Variants in ZFYVE1 observed in about 807,000 individuals in gnomAD.
ZFYVE1 encodes zinc finger FYVE-type containing 1, also known as zinc finger FYVE domain-containing protein 1.
ZFYVE1 carries 30 observed loss-of-function variants against 74.4 expected under a neutral mutation model. The observed-to-expected ratio is 0.40, with a 90% CI of 0.30 to 0.55. The LOEUF (loss-of-function observed/expected upper bound fraction) is 0.55, where lower values mean the gene tolerates loss of function less well. Ranked by LOEUF, ZFYVE1 falls within the 20% of genes least tolerant of loss-of-function variation. The pLI, the probability that ZFYVE1 is intolerant of heterozygous loss-of-function variation, is 0.42. For missense variants in ZFYVE1, 703 were observed against 1,011.6 expected, an observed-to-expected ratio of 0.69 and a Z score of 4.14; for synonymous variants, 335 against 385.1, an observed-to-expected ratio of 0.87 and a Z score of 1.52.
chr14:73,019,063 T>C (rs1004455748), intron 2 of ZFYVE1, among the ~76,000 whole-genome samples: 11 of 152,198 alleles, frequency 7.2e-5, no homozygotes, highest in African/African-American at 2.4e-4. Context: ...TTTCTACTTC[T>C]GAGACCAACA....
chr14:72,974,676 A>G lies in ZFYVE1; in HGVS notation c.1987+103T>C. 2 of 1,415,842 alleles carry G rather than the reference A, an allele frequency of 1.4e-6. 1 individual carries two copies. Among genetic ancestry groups the G allele is most frequent in the South Asian group, 2.8e-5 (2 of 71,052 alleles). 87.7% of individuals were successfully genotyped at this position (1,415,842 alleles called of 1,614,324 possible). On this transcript the variant is annotated intron_variant, in intron 10 of 11. Transcript: ENST00000556143. ...GGCCAAGACCAGAAGTACTCTCACA[A>G]GGGAGATGTGGATTAGGGCATCTGG...
chr14:73,026,823 C>A (rs1234599734), intron 1 of ZFYVE1, 103 bp downstream of exon 1: 1 of 334,266 alleles, frequency 3.0e-6, no homozygotes, highest in African/African-American at 2.2e-5. Context: ...CACCCGCCCC[C>A]CCTTCCTCCC....
At chr14:73,000,849 TA>T (rs1165842783) in intron 2 of ZFYVE1, among the ~76,000 whole-genome samples, 1 of 152,196 alleles carries the variant, frequency 6.6e-6, no homozygotes, top group Non-Finnish European at 1.5e-5. Flanking sequence ...CATCCACTGA[TA>T]AAATGTGGTA....
intron 3 of ZFYVE1, among the ~76,000 whole-genome samples, chr14:72,994,466 G>A (rs1893699081): frequency 6.6e-6 from 1 of 152,058 alleles, no homozygotes; most frequent in Admixed American, 6.6e-5. Context: ...TCTATGAGGA[G>A]GGCTGGTGTC....
intron 2 of ZFYVE1, among the ~76,000 whole-genome samples, chr14:73,016,419 G>A (rs1268097402): frequency 6.6e-6 from 1 of 152,056 alleles, no homozygotes; most frequent in Non-Finnish European, 1.5e-5. Flanking sequence ...GCTGAGGCAA[G>A]AGAATGGCGT....
At position 72,974,787 on chromosome 14, in the gene ZFYVE1, A is replaced by T; in HGVS notation, c.1979T>A (p.Val660Asp). 1.9e-6 allele frequency: 3 copies of T among 1,597,976 alleles called. No homozygotes were observed. Among genetic ancestry groups the T allele is most frequent in the Non-Finnish European group, 2.6e-6 (3 of 1,167,668 alleles). Residue 660 changes from valine (V) to aspartate (D), a missense_variant, in exon 10 of 12, where the codon GTC becomes GAC. Coordinates refer to ENST00000556143, the MANE Select transcript of ZFYVE1 (RefSeq NM_021260.4). ...CCCAGGTCCCACGTTACCTAACTGGACGTTCCTGGCTTCGTAGCAGTTGTC... is the reference window on the plus strand; with the variant it reads ...CCCAGGTCCCACGTTACCTAACTGGTCGTTCCTGGCTTCGTAGCAGTTGTC... ...VCDNCYEARN[V>D]QLAVTEAQVD... is the part of the protein sequence containing the mutation.
At chr14:72,981,707 CCA>C in intron 5 of ZFYVE1, 80 bp downstream of exon 5, 1 of 1,310,586 alleles carries the variant, frequency 7.6e-7, no homozygotes, top group Non-Finnish European at 1.1e-6. Flanking sequence ...GGATCTGCAT[CCA>C]CACCAAAGTC....
chr14:73,020,200 A>C (rs912127764), intron 2 of ZFYVE1, among the ~76,000 whole-genome samples: 10 of 139,080 alleles, frequency 7.2e-5, no homozygotes, highest in African/African-American at 2.7e-4. Context: ...GATTGCAGTG[A>C]GCCAAGATTG....
chr14:73,020,701 G>A (rs1383811056), intron 2 of ZFYVE1, among the ~76,000 whole-genome samples: 1 of 152,198 alleles, frequency 6.6e-6, no homozygotes. Context: ...GCAGGAGCCA[G>A]GCACGGCGGC....
chr14:73,026,751 C>A (rs1894470616), intron 1 of ZFYVE1, among the ~76,000 whole-genome samples, 175 bp downstream of exon 1: 1 of 150,998 alleles, frequency 6.6e-6, no homozygotes. Context: ...AAAATCCCCC[C>A]CACGCCGGCA....
At chr14:72,999,841 C>T (rs998881145) in intron 2 of ZFYVE1, among the ~76,000 whole-genome samples, 1 of 152,176 alleles carries the variant, frequency 6.6e-6, no homozygotes, top group Non-Finnish European at 1.5e-5. Flanking sequence ...GGGCAGATCG[C>T]GTGAGGCCAG....
At position 72,975,792 on chromosome 14, in the gene ZFYVE1, G is replaced by A; in HGVS notation, c.1636-71C>T. ...AAAGGAAGGAGGAAGAGGGATGTTTGGTGAGTTGCACACTCACCGTGGCCA... is the reference window on the plus strand; with the variant it reads ...AAAGGAAGGAGGAAGAGGGATGTTTAGTGAGTTGCACACTCACCGTGGCCA... On this transcript the variant is annotated intron_variant, in intron 8 of 11. Transcript: ENST00000556143. This position sits in a 1 kb window ranked among gnomAD's most constrained non-coding sequence, Gnocchi z 4.1. 1.3e-6 allele frequency: 2 copies of A among 1,570,046 alleles called. No homozygotes were observed. Among genetic ancestry groups the A allele is most frequent in the Non-Finnish European group, 1.7e-6 (2 of 1,155,604 alleles).
chr14:73,013,177 G>C (rs770800720), intron 2 of ZFYVE1, among the ~76,000 whole-genome samples: 1 of 152,176 alleles, frequency 6.6e-6, no homozygotes, highest in Non-Finnish European at 1.5e-5. Flanking sequence ...TTATCCTCCA[G>C]TGAAGTCAAG....
chr14:73,005,945 G>A (rs764390752), intron 2 of ZFYVE1, among the ~76,000 whole-genome samples: 3 of 151,170 alleles, frequency 2.0e-5, no homozygotes, highest in South Asian at 2.1e-4. Flanking sequence ...TTTATGAGAC[G>A]GAGTCTCACT....
At chr14:72,991,338 C>T (rs965817336) in intron 4 of ZFYVE1, among the ~76,000 whole-genome samples, 5 of 152,082 alleles carry the variant, frequency 3.3e-5, no homozygotes, top group African/African-American at 1.2e-4. Flanking sequence ...TACAGGTGCC[C>T]GCTACCACAC....
intron 4 of ZFYVE1, among the ~76,000 whole-genome samples, chr14:72,984,021 G>A (rs147648908): frequency 2.0e-5 from 3 of 152,148 alleles, no homozygotes; most frequent in Non-Finnish European, 4.4e-5. Context: ...GTCAGGTGTA[G>A]GACCAGAATA....
rs925884967 is a variant in ZFYVE1, at chr14:72,990,558, A to G, written c.1203+2585T>C. Among the ~76,000 whole-genome samples the G allele has an allele frequency of 4.6e-5, 7 of 151,688 alleles. 1 individual carries two copies. Among genetic ancestry groups the G allele is most frequent in the African/African-American group, 1.5e-4 (6 of 41,304 alleles). On this transcript the variant is annotated intron_variant, in intron 4 of 11. Coordinates refer to ENST00000556143, the MANE Select transcript of ZFYVE1 (RefSeq NM_021260.4). The stretch of plus-strand genomic sequence containing the variant: ...ATTACAGCCACGCACCACCACGCGC[A>G]GCTAATTTCGTATTTTTAGTAGAGA...
At chr14:72,979,265 C>T (rs1257834410) in intron 5 of ZFYVE1, 2 of 311,002 alleles carry the variant, frequency 6.4e-6, no homozygotes, top group East Asian at 6.8e-5. Flanking sequence ...TTTGGGAGGC[C>T]GACGGGGGCA....
intron 5 of ZFYVE1, among the ~76,000 whole-genome samples, chr14:72,979,667 A>G (rs1436090026): frequency 1.3e-5 from 2 of 151,942 alleles, no homozygotes; most frequent in African/African-American, 4.8e-5. Flanking sequence ...AAAAAAAAAA[A>G]AATACACCCA....
Sources: gnomAD v4.1 joint callset for allele counts (sites outside exome capture counted in the v4.1 genomes callset) on GRCh38, gnomAD v4.1.1 for gene constraint, Gnocchi (gnomAD v3.1) non-coding constraint, MANE v1.5 for transcripts, NCBI Gene and HGNC (gene_info 2026-07-23, HGNC 2026-07-21) for gene names.